Variants in GLTP observed in about 807,000 individuals in gnomAD.
The protein encoded by GLTP is glycolipid transfer protein.
GLTP carries 22 observed loss-of-function variants against 24.0 expected under a neutral mutation model. That is an observed-to-expected ratio of 0.92 (90% CI 0.65 to 1.31). The LOEUF is 1.31. GLTP is among the 50% of genes most tolerant of loss of function. The pLI, the probability that GLTP is intolerant of heterozygous loss-of-function variation, is 0.00. For synonymous variants in GLTP, 92 were observed against 115.9 expected (o/e 0.79, Z 1.33); for missense variants, 224 against 276.6 (o/e 0.81, Z 1.35).
At chr12:109,876,986 G>A (rs1868903959) in intron 1 of GLTP, among the ~76,000 whole-genome samples, 1 of 152,152 alleles carries the variant, frequency 6.6e-6, no homozygotes, top group African/African-American at 2.4e-5. Context: ...CTGCGTAGCT[G>A]GAACTACAGG....
In GLTP at chr12:109,854,364, T is replaced by C. The variant is rs994574690; in HGVS notation, c.447+1255A>G. Among the ~76,000 whole-genome samples, 171 of 38,572 alleles carry C rather than the reference T, an allele frequency of 4.4e-3. 1 individual carries two copies. Among genetic ancestry groups the C allele is most frequent in the Admixed American group, 0.019 (51 of 2,750 alleles). 25.3% of individuals were successfully genotyped at this position (38,572 alleles called of 152,430 possible). ...GACAGCGACAGAGTGAGACCCTGTC[T>C]CAAAAAAAAAAAAAAAAAAAAAGTA... On this transcript the variant is annotated intron_variant, in intron 4 of 4. Transcript: ENST00000318348.
At chr12:109,859,512 C>G (rs1892844248) in intron 1 of GLTP, among the ~76,000 whole-genome samples, 1 of 135,270 alleles carries the variant, frequency 7.4e-6, no homozygotes, top group African/African-American at 2.8e-5. Context: ...GAGCGAGACT[C>G]TGTCTCAAAA....
intron 3 of GLTP, among the ~76,000 whole-genome samples, chr12:109,856,856 C>CG (rs1892803754): frequency 6.6e-6 from 1 of 152,054 alleles, no homozygotes; most frequent in African/African-American, 2.4e-5. Flanking sequence ...GCTAACATGG[C>CG]GGGCTTGTCT....
At chr12:109,879,196 A>G (rs1426595932) in intron 1 of GLTP, among the ~76,000 whole-genome samples, 1 of 152,182 alleles carries the variant, frequency 6.6e-6, no homozygotes, top group African/African-American at 2.4e-5. Context: ...GACTGTCTTA[A>G]GATCTCCTGT....
intron 4 of GLTP, among the ~76,000 whole-genome samples, chr12:109,853,637 G>A (rs914109521): frequency 6.7e-6 from 1 of 149,686 alleles, no homozygotes; most frequent in Admixed American, 6.7e-5. Context: ...GCAGTGAGCT[G>A]AGATCACGCC....
Position 109,852,748 on chromosome 12 carries a change from G to A in GLTP, c.448-11C>T. ...TGCGTACAGTGCTGCCTTGAGACAG[G>A]CAAGAAGGGAGGTAGGCACAGCGTT... On this transcript the variant is annotated splice_polypyrimidine_tract_variant and intron_variant, in intron 4 of 4. Transcript: ENST00000318348. The A allele has an allele frequency of 6.3e-7, 1 of 1,599,452 alleles. No individual in the cohort carries two copies. The highest frequency in any genetic ancestry group is 8.6e-7 in the Non-Finnish European group (1 of 1,167,756).
intron 1 of GLTP, among the ~76,000 whole-genome samples, chr12:109,860,678 T>G (rs1892860572): frequency 6.6e-6 from 1 of 152,072 alleles, no homozygotes; most frequent in African/African-American, 2.4e-5. Flanking sequence ...CCTTTCTTGG[T>G]GGGTTATAAT....
Position 109,855,289 on chromosome 12 carries a change from G to T in GLTP, c.447+330C>A, listed in dbSNP as rs1362961799. Among the ~76,000 whole-genome samples, 7 of 152,198 alleles carry T rather than the reference G, an allele frequency of 4.6e-5. No homozygotes were observed. The South Asian group carries it at 8.3e-4, about 18-fold the overall frequency. Reference sequence around the variant, plus strand: ...AGGGGTAAATTTGAGGGGCCATCAGGCTGGGCCACTTTTGACCTGGGGTCC... The same window carrying T: ...AGGGGTAAATTTGAGGGGCCATCAGTCTGGGCCACTTTTGACCTGGGGTCC... On this transcript the variant is annotated intron_variant, in intron 4 of 4. Transcript: ENST00000318348. This position sits in a 1 kb window ranked among gnomAD's most constrained non-coding sequence, Gnocchi z 4.1.
intron 1 of GLTP, among the ~76,000 whole-genome samples, chr12:109,873,818 AC>A (rs1868803714): frequency 8.1e-6 from 1 of 123,824 alleles, no homozygotes; most frequent in Non-Finnish European, 1.7e-5. Flanking sequence ...CTTAAACAAA[AC>A]ACACACACAC....
chr12:109,870,956 A>G (rs1315198620), intron 1 of GLTP, among the ~76,000 whole-genome samples: 9 of 152,214 alleles, frequency 5.9e-5, no homozygotes. Context: ...ACACTCTAGC[A>G]AGAACCACAA....
chr12:109,856,778 G>A (rs1398097566), intron 3 of GLTP, among the ~76,000 whole-genome samples: 1 of 152,144 alleles, frequency 6.6e-6, no homozygotes, highest in Non-Finnish European at 1.5e-5. Flanking sequence ...TCCTCCTCAC[G>A]GCCGGGCACG....
chr12:109,863,476 T>C (rs1335117023), intron 1 of GLTP, among the ~76,000 whole-genome samples: 1 of 152,170 alleles, frequency 6.6e-6, no homozygotes, highest in Admixed American at 6.6e-5. Flanking sequence ...TTGGTACTTG[T>C]ATGACATCTG....
chr12:109,859,140 G>C (rs866962157), intron 1 of GLTP, among the ~76,000 whole-genome samples: 2 of 152,128 alleles, frequency 1.3e-5, no homozygotes, highest in African/African-American at 4.8e-5. Flanking sequence ...CCACAGCCTC[G>C]ACCTCCTGGG....
intron 1 of GLTP, among the ~76,000 whole-genome samples, chr12:109,867,756 T>TCAC (rs545878125): frequency 3.9e-4 from 59 of 151,240 alleles, no homozygotes; most frequent in Admixed American, 2.9e-3. Context: ...CAATCACAGC[T>TCAC]CACTGCAGCT....
intron 1 of GLTP, among the ~76,000 whole-genome samples, chr12:109,875,247 G>C (rs909004249): frequency 1.3e-5 from 2 of 152,198 alleles, no homozygotes; most frequent in Non-Finnish European, 2.9e-5. Flanking sequence ...AGAGTTAGGA[G>C]AGACATTCTG....
At chr12:109,871,370 C>A (rs1755463704) in intron 1 of GLTP, among the ~76,000 whole-genome samples, 1 of 152,154 alleles carries the variant, frequency 6.6e-6, no homozygotes, top group South Asian at 2.1e-4. Flanking sequence ...CAGGCATGAG[C>A]CACTGCGCCC....
At chr12:109,877,276 A>C (rs1255058561) in intron 1 of GLTP, among the ~76,000 whole-genome samples, 1 of 152,218 alleles carries the variant, frequency 6.6e-6, no homozygotes, top group Non-Finnish European at 1.5e-5. Flanking sequence ...TGAATGAACT[A>C]ATCTACATAG....
At chr12:109,873,610 G>A (rs1242292808) in intron 1 of GLTP, among the ~76,000 whole-genome samples, 2 of 148,802 alleles carry the variant, frequency 1.3e-5, no homozygotes, top group Admixed American at 6.7e-5. Context: ...CTCCAGCCTG[G>A]GCAATAGAGC....
Position 109,869,622 on chromosome 12 carries a change from AT to A in GLTP, c.103+10649del, listed in dbSNP as rs1186003385. Among the ~76,000 whole-genome samples the A allele has an allele frequency of 1.9e-3, 266 of 136,608 alleles. 2 individuals carry two copies. Among genetic ancestry groups the A allele is most frequent in the South Asian group, 1.9e-3 (8 of 4,268 alleles). 89.6% of individuals were successfully genotyped at this position (136,608 alleles called of 152,430 possible). A position where few individuals can be genotyped will look rare whatever the true frequency, so the allele number is the denominator to read the frequency against. On this transcript the variant is annotated intron_variant, in intron 1 of 4. Coordinates refer to ENST00000318348, the MANE Select transcript of GLTP (RefSeq NM_016433.4). ...AGGCAAGCACCACCACACCCAGCTA[AT>A]TTTTTTTTTTTTGTTTTTTTGTATT...
Sources: gnomAD v4.1 joint callset for allele counts (sites outside exome capture counted in the v4.1 genomes callset) on GRCh38, gnomAD v4.1.1 for gene constraint, Gnocchi (gnomAD v3.1) non-coding constraint, MANE v1.5 for transcripts, NCBI Gene and HGNC (gene_info 2026-07-23, HGNC 2026-07-21) for gene names.